SNRPC: variants seen among roughly 807,000 people sequenced by gnomAD.
SNRPC encodes U1 small nuclear ribonucleoprotein C.
Under a neutral mutation model 20.0 loss-of-function variants are expected in SNRPC, and 5 were observed. That is an observed-to-expected ratio of 0.25 (90% CI 0.13 to 0.53). The LOEUF (loss-of-function observed/expected upper bound fraction) is 0.53. Among genes scored for constraint, SNRPC ranks in the 20% least tolerant of loss-of-function variants. The probability of loss-of-function intolerance (pLI) is 0.96; values close to 1 mark genes in which losing one functional copy is unlikely to be tolerated. For missense variants in SNRPC, 112 were observed against 224.1 expected (o/e 0.50, Z 3.19); for synonymous variants, 61 against 58.7 (o/e 1.04, Z -0.18).
intron 1 of SNRPC, 63 bp downstream of exon 1, chr6:34,757,614 C>A: frequency 6.4e-7 from 1 of 1,557,532 alleles, no homozygotes; most frequent in Non-Finnish European, 8.9e-7. Context: ...CATGCAGGAG[C>A]GGAGAGCGGG....
intron 5 of SNRPC, among the ~76,000 whole-genome samples, chr6:34,771,617 TTATATA>T (rs763083844): frequency 3.3e-5 from 5 of 151,930 alleles, no homozygotes; most frequent in Non-Finnish European, 7.4e-5. Flanking sequence ...TGCAGAAAAA[TTATATA>T]TATATAATTG....
At chr6:34,768,621 G>T (rs1323681514) in intron 4 of SNRPC, among the ~76,000 whole-genome samples, 5 of 151,856 alleles carry the variant, frequency 3.3e-5, no homozygotes, top group South Asian at 4.1e-4. Context: ...GCATGGTGGT[G>T]CACGTCTGTA....
intron 1 of SNRPC, 168 bp downstream of exon 1, chr6:34,757,719 G>C: frequency 6.9e-7 from 1 of 1,443,702 alleles, no homozygotes; most frequent in Non-Finnish European, 9.5e-7. Flanking sequence ...ATTTTAGAGT[G>C]CAGATGGATC....
In SNRPC at chr6:34,766,573, G is replaced by A. The variant is rs78115979; in HGVS notation, c.161-1335G>A. ...TTAGTGGAGGACTTTTTGAGAATGG[G>A]GGGGAGCCCCTCAGGGACACACCTA... On this transcript the variant is annotated intron_variant, in intron 3 of 5. Transcript: ENST00000244520. 1.0e-3 allele frequency among the ~76,000 whole-genome samples: 157 copies of A among 152,292 alleles called. 4 individuals carry two copies. Among genetic ancestry groups the A allele is most frequent in the Middle Eastern group, 3.4e-3 (1 of 294 alleles).
chr6:34,762,304 A>G (rs1387728519), intron 2 of SNRPC, among the ~76,000 whole-genome samples: 4 of 145,136 alleles, frequency 2.8e-5, no homozygotes, highest in Non-Finnish European at 6.1e-5. Context: ...ACCCTGTTAG[A>G]AAAAAAAAAA....
At chr6:34,761,543 C>T (rs576423134) in intron 2 of SNRPC, among the ~76,000 whole-genome samples, 22 of 89,692 alleles carry the variant, frequency 2.5e-4, no homozygotes, top group South Asian at 7.0e-4. Context: ...TTTTTTGTGA[C>T]GGAGTATCTC....
intron 3 of SNRPC, among the ~76,000 whole-genome samples, chr6:34,765,417 ATATTTATTTATT>A (rs201470184): frequency 1.3e-5 from 2 of 150,830 alleles, no homozygotes; most frequent in Non-Finnish European, 1.5e-5. Context: ...TTTATCTTAT[ATATTTATTTATT>A]TATTTATTTA....
chr6:34,767,932 T>C lies in SNRPC; in HGVS notation c.185T>C (p.Ile62Thr). The change falls in exon 4 of 6, where the codon ATA (isoleucine) becomes ACA (threonine). Residue 62 changes from isoleucine (I) to threonine (T), a missense_variant. Physicochemically the swap from Ile to Thr is moderately conservative, Grantham distance 89. Coordinates refer to ENST00000244520, the MANE Select transcript of SNRPC (RefSeq NM_003093.3). ...KTTAAFQQGK[I>T]PPTPFSAPPP... The stretch of plus-strand genomic sequence containing the variant: ...GCGGCTGCATTTCAACAAGGAAAGA[T>C]ACCTCCTACTCCATTCTCTGCTCCT... 6.2e-7 allele frequency: 1 copy of C among 1,600,214 alleles called. No individual in the cohort carries two copies. Among genetic ancestry groups the C allele is most frequent in the Non-Finnish European group, 8.5e-7 (1 of 1,174,794 alleles).
At chr6:34,760,578 T>C (rs532863884) in intron 2 of SNRPC, among the ~76,000 whole-genome samples, 6 of 152,310 alleles carry the variant, frequency 3.9e-5, no homozygotes, top group Non-Finnish European at 8.8e-5. Flanking sequence ...TTAATATACC[T>C]ATTATTCACC....
chr6:34,773,664 C>T lies in SNRPC; in HGVS notation c.*94C>T. The T allele has an allele frequency of 8.7e-7, 1 of 1,155,772 alleles. No individual in the cohort carries two copies. Among genetic ancestry groups the T allele is most frequent in the Non-Finnish European group, 1.2e-6 (1 of 806,252 alleles). The allele number at this position is 1,155,772 out of a possible 1,614,324, so 71.6% of individuals were successfully genotyped here. ...CTGTGATACTGAGTTTTCTAAACAGCATAAGGAAGACTTGCTCCCCTGTCC... is the reference window on the plus strand; with the variant it reads ...CTGTGATACTGAGTTTTCTAAACAGTATAAGGAAGACTTGCTCCCCTGTCC... On this transcript the variant is annotated 3_prime_UTR_variant, in exon 6 of 6. Transcript: ENST00000244520. The surrounding 1 kb of genome is among the most constrained non-coding windows in gnomAD (Gnocchi z 4.1).
intron 3 of SNRPC, among the ~76,000 whole-genome samples, chr6:34,765,586 G>A (rs956451589): frequency 2.9e-4 from 44 of 151,468 alleles, no homozygotes; most frequent in African/African-American, 1.0e-3. Flanking sequence ...ACAGGTGCAT[G>A]CCACCACACC....
At chr6:34,770,222 CA>C (rs201046400) in intron 4 of SNRPC, 68 bp from the exon 5 acceptor site, 532 of 1,157,716 alleles carry the variant, frequency 4.6e-4, no homozygotes, top group Middle Eastern at 8.3e-4. Context: ...AACTCCGTCT[CA>C]AAAAAAAAGA....
intron 3 of SNRPC, among the ~76,000 whole-genome samples, chr6:34,766,553 G>A (rs902106509): frequency 2.0e-5 from 3 of 152,160 alleles, no homozygotes; most frequent in African/African-American, 7.2e-5. Context: ...CATTTTTAGT[G>A]GAGGACTTTT....
At chr6:34,764,654 C>T (rs1224937190) in intron 3 of SNRPC, among the ~76,000 whole-genome samples, 1 of 151,572 alleles carries the variant, frequency 6.6e-6, no homozygotes, top group Admixed American at 6.6e-5. Context: ...CAGAGTGAGA[C>T]TCCATCTCAA....
chr6:34,757,843 G>T, intron 1 of SNRPC, 69 bp from the exon 2 acceptor site: 1 of 1,611,840 alleles, frequency 6.2e-7, no homozygotes, highest in Non-Finnish European at 8.5e-7. Flanking sequence ...TATCTTCCAT[G>T]AACAGCGCTT....
chr6:34,773,561 A>G lies in SNRPC; in HGVS notation c.471A>G (p.Pro157=), dbSNP rs1435919138. 6.2e-7 allele frequency: 1 copy of G among 1,613,818 alleles called. No individual in the cohort carries two copies. The highest frequency in any genetic ancestry group is 8.5e-7 in the Non-Finnish European group (1 of 1,179,984). Residue 157 remains proline, a synonymous_variant, in exon 6 of 6, where the codon CCA becomes CCG. Coordinates refer to ENST00000244520, the MANE Select transcript of SNRPC (RefSeq NM_003093.3). This position sits in a 1 kb window ranked among gnomAD's most constrained non-coding sequence, Gnocchi z 4.1. ...MVPTRPGMTR[P]DR is the part of the protein sequence containing the mutation. ...CCACTCGGCCCGGAATGACTCGACC[A>G]GACAGATAAGGATAGAGGGGAGGCC...
At chr6:34,762,165 A>T (rs1202966673) in intron 2 of SNRPC, among the ~76,000 whole-genome samples, 1 of 152,160 alleles carries the variant, frequency 6.6e-6, no homozygotes, top group Admixed American at 6.6e-5. Flanking sequence ...TTGGCTGGTC[A>T]TAGTGGCTTG....
At chr6:34,757,575 G>C (rs751183462) in intron 1 of SNRPC, 24 bp downstream of exon 1, 1 of 1,610,978 alleles carries the variant, frequency 6.2e-7, no homozygotes, top group Non-Finnish European at 8.5e-7. Flanking sequence ...CGAAATCTGA[G>C]GGTGATCGTA....
intron 1 of SNRPC, 116 bp downstream of exon 1, chr6:34,757,667 C>T (rs1204089902): frequency 1.9e-5 from 26 of 1,377,592 alleles, no homozygotes; most frequent in Non-Finnish European, 2.7e-5. Context: ...GTATCTGGGC[C>T]GGGTGGACGG....
Sources: allele counts gnomAD v4.1 joint callset (sites outside exome capture counted in the v4.1 genomes callset), GRCh38; gene constraint gnomAD v4.1.1; non-coding constraint Gnocchi (gnomAD v3.1); transcripts MANE v1.5; gene names NCBI Gene and HGNC (gene_info 2026-07-23, HGNC 2026-07-21).